Variants in LRP1B observed in about 807,000 individuals in gnomAD.
LRP1B encodes the protein low-density lipoprotein receptor-related protein 1B.
A neutral mutation model predicts 556.6 loss-of-function variants in LRP1B; 217 were observed. The observed-to-expected ratio is 0.39, with a 90% CI of 0.35 to 0.44. LRP1B has a LOEUF of 0.44. Among genes scored for constraint, LRP1B ranks in the 20% least tolerant of loss-of-function variants. The pLI is 1.00. For synonymous variants in LRP1B, 2,047 were observed against 1,865.8 expected, an observed-to-expected ratio of 1.10 and a Z score of -2.50; for missense variants, 5,053 against 5,620.8, an observed-to-expected ratio of 0.90 and a Z score of 3.23.
At chr2:141,967,533 G>A (rs1003879080) in intron 1 of LRP1B, among the ~76,000 whole-genome samples, 1 of 151,708 alleles carries the variant, frequency 6.6e-6, no homozygotes, top group East Asian at 1.9e-4. Context: ...CTTTTCAAAT[G>A]TATACACACA....
At chr2:140,532,929 G>GATATATATATACATATATATATATAT (rs1690765480) in intron 47 of LRP1B, among the ~76,000 whole-genome samples, 3 of 50,410 alleles carry the variant, frequency 6.0e-5, no homozygotes, top group East Asian at 9.8e-4. Flanking sequence ...CACAGCACAA[G>GATATATATATACATATATATATATAT]ATATATATAT....
chr2:141,934,515 A>G (rs1700582982), intron 1 of LRP1B, among the ~76,000 whole-genome samples: 1 of 152,184 alleles, frequency 6.6e-6, no homozygotes, highest in South Asian at 2.1e-4. Flanking sequence ...AAAGTTCTTT[A>G]AAAAATTCAG....
intron 82 of LRP1B, among the ~76,000 whole-genome samples, chr2:140,320,673 T>TGGTCTCTGCC (rs1190339050): frequency 6.6e-6 from 1 of 152,008 alleles, no homozygotes; most frequent in African/African-American, 2.4e-5. Flanking sequence ...AGCTGTCCTC[T>TGGTCTCTGCC]GGTCTCTGCC....
intron 7 of LRP1B, among the ~76,000 whole-genome samples, chr2:141,167,755 A>T (rs73962836): frequency 6.6e-6 from 1 of 151,994 alleles, no homozygotes; most frequent in East Asian, 1.9e-4. Context: ...TAAAATTAAT[A>T]GTACTTAAAA....
intron 5 of LRP1B, among the ~76,000 whole-genome samples, chr2:141,231,647 C>T (rs867520429): frequency 1.2e-4 from 18 of 149,420 alleles, no homozygotes; most frequent in Non-Finnish European, 2.4e-4. Context: ...ACAACCTCCA[C>T]GTGGCAACCT....
chr2:140,657,320 A>C (rs1684913518), intron 41 of LRP1B, among the ~76,000 whole-genome samples: 1 of 151,986 alleles, frequency 6.6e-6, no homozygotes, highest in East Asian at 1.9e-4. Flanking sequence ...AATCATTATA[A>C]CTGCCCTATT....
At chr2:141,188,735 A>G (rs1184706546) in intron 6 of LRP1B, 152 bp from the exon 7 acceptor site, 10 of 611,662 alleles carry the variant, frequency 1.6e-5, no homozygotes, top group Middle Eastern at 2.9e-4. Context: ...TTGCTATGCC[A>G]AAATGTGACT....
intron 2 of LRP1B, among the ~76,000 whole-genome samples, chr2:141,766,651 A>G (rs906778052): frequency 3.9e-5 from 6 of 152,316 alleles, no homozygotes; most frequent in Non-Finnish European, 7.4e-5. Flanking sequence ...GCACAATAGG[A>G]TGGAGGAAAG....
At chr2:141,674,184 A>C (rs780393376) in intron 2 of LRP1B, among the ~76,000 whole-genome samples, 2 of 152,086 alleles carry the variant, frequency 1.3e-5, no homozygotes, top group Admixed American at 6.5e-5. Context: ...TAAAATATAC[A>C]ATGTTTTAAA....
At chr2:140,406,048 C>T (rs113973317) in intron 66 of LRP1B, among the ~76,000 whole-genome samples, 43 of 152,096 alleles carry the variant, frequency 2.8e-4, no homozygotes, top group African/African-American at 8.9e-4. Context: ...TATGCAAATC[C>T]GTTAATGTGA....
intron 1 of LRP1B, among the ~76,000 whole-genome samples, chr2:141,994,615 A>G (rs536533032): frequency 6.6e-6 from 1 of 152,320 alleles, no homozygotes; most frequent in South Asian, 2.1e-4. Flanking sequence ...GCAAGAGACT[A>G]AAGAAAACCG....
intron 2 of LRP1B, among the ~76,000 whole-genome samples, chr2:141,530,505 T>C (rs1174302328): frequency 1.3e-5 from 2 of 151,912 alleles, no homozygotes; most frequent in Non-Finnish European, 2.9e-5. Flanking sequence ...TGAATATTTC[T>C]CATGGGGACT....
intron 2 of LRP1B, among the ~76,000 whole-genome samples, chr2:141,545,920 C>T (rs774989625): frequency 2.0e-5 from 3 of 152,080 alleles, no homozygotes; most frequent in Non-Finnish European, 4.4e-5. Flanking sequence ...TAGTGGAACA[C>T]GTGTTGAACT....
intron 7 of LRP1B, among the ~76,000 whole-genome samples, chr2:141,065,861 C>A (rs1699467648): frequency 6.6e-6 from 1 of 151,892 alleles, no homozygotes; most frequent in Admixed American, 6.6e-5. Context: ...CAAGGGCCCC[C>A]AGGTTAGCAC....
intron 41 of LRP1B, among the ~76,000 whole-genome samples, chr2:140,609,768 C>T (rs1040606315): frequency 6.6e-6 from 1 of 152,124 alleles, no homozygotes; most frequent in East Asian, 1.9e-4. Flanking sequence ...TGATCACTGC[C>T]GTTACCTCTT....
chr2:141,906,715 C>T (rs927427256), intron 1 of LRP1B, among the ~76,000 whole-genome samples: 2 of 151,658 alleles, frequency 1.3e-5, no homozygotes, highest in African/African-American at 2.4e-5. Context: ...GATGTAAAAG[C>T]TTCATTGTGT....
chr2:140,956,939 A>G (rs1695891391), intron 18 of LRP1B, among the ~76,000 whole-genome samples: 1 of 151,790 alleles, frequency 6.6e-6, no homozygotes, highest in Admixed American at 6.6e-5. Flanking sequence ...TATATCAGAT[A>G]GAGTTCTAGG....
intron 3 of LRP1B, among the ~76,000 whole-genome samples, chr2:141,373,552 T>C (rs1434395242): frequency 6.6e-6 from 1 of 151,964 alleles, no homozygotes; most frequent in Admixed American, 6.6e-5. Flanking sequence ...TTTAGAGTTG[T>C]TGTATCCTTT....
intron 2 of LRP1B, among the ~76,000 whole-genome samples, chr2:141,554,091 TTATA>T (rs1208955507): frequency 8.3e-6 from 1 of 121,120 alleles, no homozygotes; most frequent in African/African-American, 3.4e-5. Flanking sequence ...GACATATAGA[TTATA>T]TATATCTATA....
Sources: allele counts gnomAD v4.1 joint callset (sites outside exome capture counted in the v4.1 genomes callset), GRCh38; gene constraint gnomAD v4.1.1; transcripts MANE v1.5; gene names NCBI Gene and HGNC (gene_info 2026-07-23, HGNC 2026-07-21).